The following STX8 variants were observed in gnomAD, a reference collection of about 807,000 sequenced individuals.
STX8 encodes syntaxin 8.
In STX8, 23 loss-of-function variants were observed where a neutral mutation model predicts 37.5. The observed-to-expected ratio is 0.61, with a 90% CI of 0.44 to 0.87. The LOEUF is 0.87. Among genes scored for constraint, STX8 ranks in the 40% least tolerant of loss-of-function variants. The pLI, the probability that STX8 is intolerant of heterozygous loss-of-function variation, is 0.00. For missense variants in STX8, 313 were observed against 284.7 expected (o/e 1.10, Z -0.71); for synonymous variants, 115 against 99.1 (o/e 1.16, Z -0.95).
At chr17:9,574,274 C>CA (rs1174966132) in intron 1 of STX8, among the ~76,000 whole-genome samples, 2,700 of 86,808 alleles carry the variant, frequency 0.031, 78 homozygotes, top group African/African-American at 0.098. Flanking sequence ...GACTCCGTCT[C>CA]AAAAAAAAAA....
intron 7 of STX8, among the ~76,000 whole-genome samples, chr17:9,295,969 T>A (rs946300821): frequency 2.0e-5 from 3 of 151,638 alleles, no homozygotes; most frequent in Non-Finnish European, 4.4e-5. Flanking sequence ...GGCGGGCGGA[T>A]CACGAGGTCA....
chr17:9,390,836 CAAAAAA>C (rs34205577), intron 6 of STX8, among the ~76,000 whole-genome samples: 1 of 93,530 alleles, frequency 1.1e-5, no homozygotes. Flanking sequence ...GACTCCGTCT[CAAAAAA>C]AAAAAAAAAA....
Position 9,534,745 on chromosome 17 carries a change from G to A in STX8, c.323+10427C>T, listed in dbSNP as rs926392121. Reference sequence around the variant, plus strand: ...GGAGGTTGCAGTCAGCCGAGATTGCGCCACTGCACTCCAGCCTGGCGACAC... The same window carrying A: ...GGAGGTTGCAGTCAGCCGAGATTGCACCACTGCACTCCAGCCTGGCGACAC... On this transcript the variant is annotated intron_variant, in intron 4 of 7. Coordinates refer to ENST00000306357, the MANE Select transcript of STX8 (RefSeq NM_004853.3). Among the ~76,000 whole-genome samples the A allele has an allele frequency of 8.6e-5, 13 of 151,870 alleles. No individual in the cohort carries two copies. In the South Asian group the frequency reaches 1.2e-3, roughly 15 times the overall value.
chr17:9,339,841 A>G (rs1199675661), intron 7 of STX8, among the ~76,000 whole-genome samples: 1 of 152,220 alleles, frequency 6.6e-6, no homozygotes, highest in Non-Finnish European at 1.5e-5. Flanking sequence ...GACATTATGT[A>G]TCTTTGAAAG....
intron 7 of STX8, among the ~76,000 whole-genome samples, chr17:9,325,147 G>A (rs1909712927): frequency 6.6e-6 from 1 of 152,138 alleles, no homozygotes. Flanking sequence ...CTTGAAGATA[G>A]GCTAGGCCGA....
chr17:9,402,829 ATCCTGGGTGCTTGTGTGTTTTTCTTCT>A (rs1309116956), intron 6 of STX8, among the ~76,000 whole-genome samples: 6 of 152,164 alleles, frequency 3.9e-5, no homozygotes, highest in Non-Finnish European at 8.8e-5. Flanking sequence ...TTGCTCCAGA[ATCCTGGGTGCTTGTGTGTTTTTCTTCT>A]TCCTGCTAAT....
At chr17:9,514,208 A>G (rs1264503772) in intron 4 of STX8, among the ~76,000 whole-genome samples, 1 of 152,232 alleles carries the variant, frequency 6.6e-6, no homozygotes, top group African/African-American at 2.4e-5. Flanking sequence ...AATGTTTGAG[A>G]TTATGAATGT....
chr17:9,477,099 C>A (rs1024070198), intron 6 of STX8, among the ~76,000 whole-genome samples: 3 of 152,108 alleles, frequency 2.0e-5, no homozygotes, highest in African/African-American at 7.2e-5. Context: ...CCTAAGTAAT[C>A]CACCTACCTC....
intron 7 of STX8, among the ~76,000 whole-genome samples, chr17:9,360,606 C>T (rs1597624261): frequency 8.5e-6 from 1 of 116,972 alleles, no homozygotes; most frequent in Non-Finnish European, 1.8e-5. Flanking sequence ...AAAATATCAA[C>T]AAAATGGTGA....
intron 6 of STX8, among the ~76,000 whole-genome samples, chr17:9,436,611 G>A (rs1342851483): frequency 3.9e-5 from 6 of 152,108 alleles, no homozygotes; most frequent in Admixed American, 2.0e-4. Flanking sequence ...TAACAATTAC[G>A]ACCACGATCA....
At position 9,423,782 on chromosome 17, in the gene STX8, G is replaced by A. The variant is rs74452712; in HGVS notation, c.542-45129C>T. On this transcript the variant is annotated intron_variant, in intron 6 of 7. Coordinates refer to ENST00000306357, the MANE Select transcript of STX8 (RefSeq NM_004853.3). The stretch of plus-strand genomic sequence containing the variant: ...AAGAAAAACACTGTGCCACAGGTTA[G>A]AATTTTTTCTGCCAGAAAGCTAGAC... Among the ~76,000 whole-genome samples the A allele has an allele frequency of 3.0e-3, 456 of 152,300 alleles. 9 individuals carry two copies. The East Asian group carries it at 0.034, about 11-fold the overall frequency.
intron 7 of STX8, among the ~76,000 whole-genome samples, chr17:9,365,711 C>T (rs1247702154): frequency 6.6e-6 from 1 of 152,250 alleles, no homozygotes; most frequent in Non-Finnish European, 1.5e-5. Flanking sequence ...AGGTGGCTCA[C>T]GCCTGTAATC....
chr17:9,463,574 A>G lies in STX8; in HGVS notation c.541+28255T>C, dbSNP rs1253721165. Among the ~76,000 whole-genome samples, 3 of 151,624 alleles carry G rather than the reference A, an allele frequency of 2.0e-5. No individual in the cohort carries two copies. In the East Asian group the frequency reaches 5.9e-4, roughly 30 times the overall value. On this transcript the variant is annotated intron_variant, in intron 6 of 7. Transcript: ENST00000306357. The stretch of plus-strand genomic sequence containing the variant: ...GAGGTCAGGAGTTGGAGACCAGCCA[A>G]CTCCTGGTTGAACATGGTGAAACTC...
rs775205364 is a variant in STX8, at chr17:9,335,801, GCT to G, written c.643+42749_643+42750del. On this transcript the variant is annotated intron_variant, in intron 7 of 7. Transcript: ENST00000306357. ...AATACAACCATGGCATTCAAGGTGG[GCT>G]CTCTCTCTCTCACACACACACACAC... Among the ~76,000 whole-genome samples, 298 of 148,778 alleles carry G rather than the reference GCT, an allele frequency of 2.0e-3. 1 individual carries two copies. Among genetic ancestry groups the G allele is most frequent in the African/African-American group, 5.5e-3 (219 of 39,898 alleles).
rs767737881 is a variant in STX8, at chr17:9,393,824, G to A, written c.542-15171C>T. 5.9e-4 allele frequency among the ~76,000 whole-genome samples: 90 copies of A among 152,210 alleles called. 2 individuals are homozygous for A. The highest frequency in any genetic ancestry group is 1.6e-4 in the Non-Finnish European group (11 of 68,030). ...GTCAGTCAGTGGTTGTCAGGAGTTAGGAATGGGTGAGAGTATGGTCGGTTT... is the reference window on the plus strand; with the variant it reads ...GTCAGTCAGTGGTTGTCAGGAGTTAAGAATGGGTGAGAGTATGGTCGGTTT... On this transcript the variant is annotated intron_variant, in intron 6 of 7. Transcript: ENST00000306357.
In STX8 at chr17:9,384,570, G is replaced by C. The variant is rs925311878; in HGVS notation, c.542-5917C>G. On this transcript the variant is annotated intron_variant, in intron 6 of 7. Transcript: ENST00000306357. ...GGAGAATGGCATGAACCCGGGAGGC[G>C]GAGCTTGCAGAGAGCCAAGAAAGGC... Among the ~76,000 whole-genome samples the C allele has an allele frequency of 2.6e-5, 4 of 151,874 alleles. No individual in the cohort carries two copies. In the South Asian group the frequency reaches 8.3e-4, roughly 31 times the overall value.
intron 4 of STX8, among the ~76,000 whole-genome samples, chr17:9,513,198 G>A (rs1460545361): frequency 3.3e-5 from 5 of 151,362 alleles, no homozygotes; most frequent in African/African-American, 1.2e-4. Flanking sequence ...AATAATAATT[G>A]GATGGAAAAA....
intron 7 of STX8, among the ~76,000 whole-genome samples, chr17:9,282,804 TA>T (rs1907937484): frequency 6.6e-6 from 1 of 152,130 alleles, no homozygotes; most frequent in South Asian, 2.1e-4. Context: ...GCCGCATGCA[TA>T]ACCAGCCTAA....
intron 4 of STX8, among the ~76,000 whole-genome samples, chr17:9,522,339 A>T (rs1905372709): frequency 6.6e-6 from 1 of 152,136 alleles, no homozygotes; most frequent in Non-Finnish European, 1.5e-5. Context: ...TCTCTATTAC[A>T]TGATGCATGC....
Sources: allele counts gnomAD v4.1 joint callset (sites outside exome capture counted in the v4.1 genomes callset), GRCh38; gene constraint gnomAD v4.1.1; transcripts MANE v1.5; gene names NCBI Gene and HGNC (gene_info 2026-07-23, HGNC 2026-07-21).